EVI5L: variants seen among roughly 807,000 people sequenced by gnomAD.
The protein encoded by EVI5L is ecotropic viral integration site 5 like.
Under a neutral mutation model 106.1 loss-of-function variants are expected in EVI5L, and 30 were observed. The observed-to-expected ratio is 0.28, with a 90% confidence interval of 0.21 to 0.38. The LOEUF is 0.38. Ranked by LOEUF, EVI5L falls within the 10% of genes least tolerant of loss-of-function variation. The pLI, the probability that EVI5L is intolerant of heterozygous loss-of-function variation, is 1.00. For synonymous variants in EVI5L, 489 were observed against 483.3 expected (o/e 1.01, Z -0.15); for missense variants, 809 against 1,098.0 (o/e 0.74, Z 3.72).
chr19:7,831,938 G>A (rs1162818332), intron 1 of EVI5L, among the ~76,000 whole-genome samples: 2 of 152,268 alleles, frequency 1.3e-5, no homozygotes. Flanking sequence ...GGGCCTGCCA[G>A]AAGCAGGCAG....
chr19:7,840,716 G>A (rs1273060645), intron 1 of EVI5L, among the ~76,000 whole-genome samples: 2 of 151,992 alleles, frequency 1.3e-5, no homozygotes, highest in South Asian at 2.1e-4. Context: ...GAGTCACACA[G>A]TGTGTGGCCT....
rs189853462 is a variant in EVI5L at position 7,858,752 on chromosome 19, C to A, written c.1374+421C>A. On this transcript the variant is annotated intron_variant, in intron 13 of 19. Transcript: ENST00000538904. This position sits in a 1 kb window ranked among gnomAD's most constrained non-coding sequence, Gnocchi z 5.7. Reference sequence around the variant, plus strand: ...CATGGAGAATGGGAGCAGGGCAGTCCGGGACTGTTTGGGGAGCTCTGAGCC... The same window carrying A: ...CATGGAGAATGGGAGCAGGGCAGTCAGGGACTGTTTGGGGAGCTCTGAGCC... 5.7e-5 allele frequency: 10 copies of A among 175,512 alleles called. No individual in the cohort carries two copies. The highest frequency in any genetic ancestry group is 1.1e-4 in the Non-Finnish European group (9 of 83,074). The allele number at this position is 175,512 out of a possible 1,614,324, so 10.9% of individuals were successfully genotyped here. A position where few individuals can be genotyped will look rare whatever the true frequency, so the allele number is the denominator to read the frequency against.
rs1247832943 is a variant in EVI5L at position 7,863,308 on chromosome 19, A to G, written c.2139+28A>G. ...GAGCCGGCGCGGGGATGCCGGGGACAGGCCTGGGTGTCGTCGGCCTGGGAC... is the reference window on the plus strand; with the variant it reads ...GAGCCGGCGCGGGGATGCCGGGGACGGGCCTGGGTGTCGTCGGCCTGGGAC... On this transcript the variant is annotated intron_variant, in intron 19 of 19. Transcript: ENST00000538904. The surrounding 1 kb of genome is among the most constrained non-coding windows in gnomAD (Gnocchi z 7.7). The G allele has an allele frequency of 6.5e-7, 1 of 1,550,104 alleles. No individual in the cohort carries two copies. Among genetic ancestry groups the G allele is most frequent in the South Asian group, 1.2e-5 (1 of 84,066 alleles).
rs1599577512 is a variant in EVI5L at position 7,858,172 on chromosome 19, C to G, written c.1234-19C>G. ...GAGGGTCACGGCCTCCCCCTGCCCC[C>G]TGTCCTCGCTGTTCTCAGGGGCAAG... On this transcript the variant is annotated intron_variant, in intron 12 of 19. Coordinates refer to ENST00000538904, the MANE Select transcript of EVI5L (RefSeq NM_001159944.3). This position sits in a 1 kb window ranked among gnomAD's most constrained non-coding sequence, Gnocchi z 5.7. 6.4e-7 allele frequency: 1 copy of G among 1,551,010 alleles called. No individual in the cohort carries two copies. Among genetic ancestry groups the G allele is most frequent in the East Asian group, 2.4e-5 (1 of 41,320 alleles).
At position 7,864,070 on chromosome 19, in the gene EVI5L, G is replaced by A; in HGVS notation, c.*368G>A. The A allele has an allele frequency of 4.2e-6, 1 of 240,678 alleles. No individual in the cohort carries two copies. Among genetic ancestry groups the A allele is most frequent in the Non-Finnish European group, 7.9e-6 (1 of 125,836 alleles). The allele number at this position is 240,678 out of a possible 1,614,324, so 14.9% of individuals were successfully genotyped here. On this transcript the variant is annotated 3_prime_UTR_variant, in exon 20 of 20. Coordinates refer to ENST00000538904, the MANE Select transcript of EVI5L (RefSeq NM_001159944.3). The surrounding 1 kb of genome is among the most constrained non-coding windows in gnomAD (Gnocchi z 4.5). ...GCAGGCAGCTCCCACCTCCTGGCAG[G>A]CTTCCTTCTGGGACAGGGGCGACAT...
At position 7,858,889 on chromosome 19, in the gene EVI5L, A is replaced by G. The variant is rs546211768; in HGVS notation, c.1374+558A>G. On this transcript the variant is annotated intron_variant, in intron 13 of 19. Coordinates refer to ENST00000538904, the MANE Select transcript of EVI5L (RefSeq NM_001159944.3). The surrounding 1 kb of genome is among the most constrained non-coding windows in gnomAD (Gnocchi z 5.7). ...CCACCCCAAGATTTTCTTCTCCTGA[A>G]AGCTTTTAGAACTTAACTGCGACCT... 2.6e-3 allele frequency: 391 copies of G among 152,858 alleles called. No homozygotes were observed. Among genetic ancestry groups the G allele is most frequent in the Non-Finnish European group, 3.7e-3 (250 of 68,476 alleles). 9.5% of individuals were successfully genotyped at this position (152,858 alleles called of 1,614,324 possible).
At chr19:7,841,456 C>T (rs1157880226) in intron 1 of EVI5L, among the ~76,000 whole-genome samples, 2 of 152,142 alleles carry the variant, frequency 1.3e-5, no homozygotes, top group Middle Eastern at 3.4e-3. Context: ...GCGGCAGTGC[C>T]CCCGAGAGGG....
chr19:7,853,354 G>A (rs2146430897), intron 10 of EVI5L, 21 bp downstream of exon 10: 2 of 1,601,748 alleles, frequency 1.2e-6, no homozygotes, highest in African/African-American at 1.3e-5. Flanking sequence ...GGGCCCAGGG[G>A]CGGGGACAGG....
chr19:7,856,554 T>C lies in EVI5L; in HGVS notation c.1200+486T>C, dbSNP rs542276656. On this transcript the variant is annotated intron_variant, in intron 11 of 19. Transcript: ENST00000538904. This position sits in a 1 kb window ranked among gnomAD's most constrained non-coding sequence, Gnocchi z 6.6. Reference sequence around the variant, plus strand: ...CAACATGCTAAAGATGGGGGTGGAATTGGGGGCTCACTGAGCCCCAGCCCC... The same window carrying C: ...CAACATGCTAAAGATGGGGGTGGAACTGGGGGCTCACTGAGCCCCAGCCCC... 7.9e-5 allele frequency among the ~76,000 whole-genome samples: 12 copies of C among 151,908 alleles called. No homozygotes were observed. The highest frequency in any genetic ancestry group is 7.9e-4 in the Admixed American group (12 of 15,272).
Position 7,858,183 on chromosome 19 carries a change from G to C in EVI5L, c.1234-8G>C. On this transcript the variant is annotated splice_region_variant and splice_polypyrimidine_tract_variant and intron_variant, in intron 12 of 19. Coordinates refer to ENST00000538904, the MANE Select transcript of EVI5L (RefSeq NM_001159944.3). This position sits in a 1 kb window ranked among gnomAD's most constrained non-coding sequence, Gnocchi z 5.7. Reference sequence around the variant, plus strand: ...CCTCCCCCTGCCCCCTGTCCTCGCTGTTCTCAGGGGCAAGTGACACGGGCG... The same window carrying C: ...CCTCCCCCTGCCCCCTGTCCTCGCTCTTCTCAGGGGCAAGTGACACGGGCG... The C allele has an allele frequency of 6.4e-7, 1 of 1,556,700 alleles. No homozygotes were observed. The highest frequency in any genetic ancestry group is 8.7e-7 in the Non-Finnish European group (1 of 1,150,378).
In EVI5L at chr19:7,858,394, C is replaced by T. The variant is rs1979641734; in HGVS notation, c.1374+63C>T. 13 of 1,488,604 alleles carry T rather than the reference C, an allele frequency of 8.7e-6. No individual in the cohort carries two copies. Among genetic ancestry groups the T allele is most frequent in the Non-Finnish European group, 1.2e-5 (13 of 1,123,944 alleles). 92.2% of individuals were successfully genotyped at this position (1,488,604 alleles called of 1,614,324 possible). On this transcript the variant is annotated intron_variant, in intron 13 of 19. Coordinates refer to ENST00000538904, the MANE Select transcript of EVI5L (RefSeq NM_001159944.3). The surrounding 1 kb of genome is among the most constrained non-coding windows in gnomAD (Gnocchi z 5.7). ...GACCCGCGCCCCCGCCCCCGCCCAA[C>T]GGTTTTCTTTCAGGGCTCATAATCT... is the stretch of plus-strand genomic sequence containing the variant.
Position 7,862,292 on chromosome 19 carries a change from C to G in EVI5L, c.1800+15C>G. 1.9e-6 allele frequency: 3 copies of G among 1,582,340 alleles called. No individual in the cohort carries two copies. Among genetic ancestry groups the G allele is most frequent in the Non-Finnish European group, 2.6e-6 (3 of 1,164,322 alleles). The stretch of plus-strand genomic sequence containing the variant: ...TTGAGACGCAGGTGGACTCGGGGGG[C>G]CTGCTCGTTGGGGAAGGGGCGTGGT... On this transcript the variant is annotated intron_variant, in intron 16 of 19. Coordinates refer to ENST00000538904, the MANE Select transcript of EVI5L (RefSeq NM_001159944.3).
At position 7,862,138 on chromosome 19, in the gene EVI5L, G is replaced by T; in HGVS notation, c.1661G>T (p.Gly554Val). 6.4e-7 allele frequency: 1 copy of T among 1,571,032 alleles called. No homozygotes were observed. The highest frequency in any genetic ancestry group is 8.6e-7 in the Non-Finnish European group (1 of 1,163,494). Residue 554 changes from glycine to valine, a missense_variant, in exon 16 of 20, where the codon GGC (glycine) becomes GTC (valine). Transcript: ENST00000538904. ...SDTWQAHLAR[G>V]GRWKESPRKL... Reference sequence around the variant, plus strand: ...ACCCCCCAGGCCCATCTGGCCCGCGGCGGCCGCTGGAAGGAGTCCCCACGG... The same window carrying T: ...ACCCCCCAGGCCCATCTGGCCCGCGTCGGCCGCTGGAAGGAGTCCCCACGG...
At chr19:7,844,210 G>T (rs1978843652) in intron 1 of EVI5L, among the ~76,000 whole-genome samples, 1 of 151,738 alleles carries the variant, frequency 6.6e-6, no homozygotes, top group South Asian at 2.1e-4. Context: ...AATTAGCTGG[G>T]CGTGGTGGCA....
chr19:7,857,030 T>C lies in EVI5L; in HGVS notation c.1201-62T>C. On this transcript the variant is annotated intron_variant, in intron 11 of 19. Transcript: ENST00000538904. This position sits in a 1 kb window ranked among gnomAD's most constrained non-coding sequence, Gnocchi z 4.5. ...TGGTTCTTGTCTGTCTCCCCTCTCC[T>C]GTCCCCGCGCCTTCCGCTCTGCCTC... 6.5e-7 allele frequency: 1 copy of C among 1,534,660 alleles called. No individual in the cohort carries two copies. The highest frequency in any genetic ancestry group is 1.2e-5 in the South Asian group (1 of 83,768).
chr19:7,831,235 A>ACACACACACACG (rs1342108319), intron 1 of EVI5L, among the ~76,000 whole-genome samples: 10 of 38,922 alleles, frequency 2.6e-4, no homozygotes, highest in African/African-American at 8.7e-4. Flanking sequence ...AAACACACAC[A>ACACACACACACG]CACACACACA....
chr19:7,862,943 C>T, intron 17 of EVI5L, 29 bp from the exon 18 acceptor site: 2 of 1,470,732 alleles, frequency 1.4e-6, no homozygotes, highest in South Asian at 2.5e-5. Flanking sequence ...CTGACCCGCC[C>T]TCCTTTCCCC....
intron 2 of EVI5L, 89 bp from the exon 3 acceptor site, chr19:7,847,643 C>T: frequency 3.5e-6 from 5 of 1,414,916 alleles, no homozygotes; most frequent in East Asian, 2.3e-5. Context: ...CCTCTAAGAC[C>T]CCCAGGAGGG....
At position 7,861,904 on chromosome 19, in the gene EVI5L, C is replaced by A; in HGVS notation, c.1530C>A (p.Asn510Lys). ...GGAACAGCTCGCTGCCCGACGAGAACAATGTGGCGCAGCTGCAGGAGGAGC... is the reference window on the plus strand; with the variant it reads ...GGAACAGCTCGCTGCCCGACGAGAAAAATGTGGCGCAGCTGCAGGAGGAGC... The part of the protein sequence containing the change: ...EKRNSSLPDE[N>K]NVAQLQEELK... Residue 510 changes from asparagine to lysine, a missense_variant, in exon 15 of 20, where the codon AAC (asparagine) becomes AAA (lysine). Asn to Lys is a moderately conservative substitution (Grantham distance 94). Transcript: ENST00000538904. The A allele has an allele frequency of 6.4e-7, 1 of 1,550,966 alleles. No individual in the cohort carries two copies. Among genetic ancestry groups the A allele is most frequent in the Non-Finnish European group, 8.7e-7 (1 of 1,147,364 alleles).
Sources: allele counts gnomAD v4.1 joint callset (sites outside exome capture counted in the v4.1 genomes callset), GRCh38; gene constraint gnomAD v4.1.1; non-coding constraint Gnocchi (gnomAD v3.1); transcripts MANE v1.5; gene names NCBI Gene and HGNC (gene_info 2026-07-23, HGNC 2026-07-21).